The following INSR variants were observed in gnomAD, a reference collection of about 807,000 sequenced individuals.
The protein encoded by INSR is insulin receptor.
INSR carries 67 observed loss-of-function variants against 142.6 expected under a neutral mutation model. The observed-to-expected ratio is 0.47, with a 90% CI of 0.39 to 0.58. The LOEUF (loss-of-function observed/expected upper bound fraction) is 0.58, where lower values mean the gene tolerates loss of function less well. Ranked by LOEUF, INSR falls within the 20% of genes least tolerant of loss-of-function variation. The pLI is 0.00. For synonymous variants in INSR, 756 were observed against 743.1 expected (o/e 1.02, Z -0.28); for missense variants, 1,248 against 1,833.2 (o/e 0.68, Z 5.83).
chr19:7,122,785 A>G lies in INSR; in HGVS notation c.3370-12T>C, dbSNP rs200201955. ...CGGCCAGGATTATTCTAAAACAGAA[A>G]CACGGGGTTGGTGTTTCAGCAGCAC... is the stretch of plus-strand genomic sequence containing the variant. On this transcript the variant is annotated splice_polypyrimidine_tract_variant and intron_variant, in intron 18 of 21. Transcript: ENST00000302850. The G allele has an allele frequency of 6.2e-7, 1 of 1,614,122 alleles. No homozygotes were observed. Among genetic ancestry groups the G allele is most frequent in the South Asian group, 1.1e-5 (1 of 91,086 alleles).
At chr19:7,250,595 A>AG (rs1247804763) in intron 2 of INSR, among the ~76,000 whole-genome samples, 3 of 126,282 alleles carry the variant, frequency 2.4e-5, no homozygotes, top group African/African-American at 8.9e-5. Flanking sequence ...GGAAGGAAGG[A>AG]AGGAGAGGAG....
At chr19:7,153,357 ACCACAC>A (rs1568449981) in intron 9 of INSR, among the ~76,000 whole-genome samples, 26 of 92,934 alleles carry the variant, frequency 2.8e-4, no homozygotes, top group African/African-American at 7.1e-4. Flanking sequence ...CAGACCACAC[ACCACAC>A]ACCCCACACA....
intron 1 of INSR, among the ~76,000 whole-genome samples, chr19:7,292,297 G>T (rs371734968): frequency 4.1e-5 from 6 of 145,152 alleles, no homozygotes; most frequent in Admixed American, 6.9e-5. Flanking sequence ...TCACCATGTT[G>T]GCCAGGATGG....
Position 7,225,449 on chromosome 19 carries a change from T to C in INSR, c.653-40812A>G, listed in dbSNP as rs973306249. On this transcript the variant is annotated intron_variant, in intron 2 of 21. Coordinates refer to ENST00000302850, the MANE Select transcript of INSR (RefSeq NM_000208.4). This position sits in a 1 kb window ranked among gnomAD's most constrained non-coding sequence, Gnocchi z 4.7. ...CACTCTCTGATTCTCCAGTGTACCA[T>C]GTCACCAATTAGGTGTTTCAAGAGG... Among the ~76,000 whole-genome samples the C allele has an allele frequency of 7.0e-6, 1 of 142,124 alleles. No individual in the cohort carries two copies. The highest frequency in any genetic ancestry group is 2.5e-5 in the African/African-American group (1 of 39,492). 93.2% of individuals were successfully genotyped at this position (142,124 alleles called of 152,430 possible).
intron 2 of INSR, among the ~76,000 whole-genome samples, chr19:7,204,183 C>T (rs1338402722): frequency 6.6e-6 from 1 of 151,824 alleles, no homozygotes; most frequent in Non-Finnish European, 1.5e-5. Flanking sequence ...GCTGGGATTA[C>T]AGGTGCCCAG....
At chr19:7,237,203 TC>T (rs1429208539) in intron 2 of INSR, among the ~76,000 whole-genome samples, 2 of 151,152 alleles carry the variant, frequency 1.3e-5, no homozygotes, top group African/African-American at 4.9e-5. Context: ...TACCACCTGT[TC>T]CCCCAAAACC....
chr19:7,151,800 AT>A (rs906600573), intron 10 of INSR, among the ~76,000 whole-genome samples: 11 of 150,174 alleles, frequency 7.3e-5, no homozygotes, highest in African/African-American at 2.4e-4. Context: ...GATACTTTTA[AT>A]TTTTTTTTAG....
chr19:7,193,119 CT>C lies in INSR; in HGVS notation c.653-8483del, dbSNP rs764541723. ...ATTTGATGCAGTATTTCTTTTTTTT[CT>C]TTTTTTTTTTTTCCCCAGATGGAGT... On this transcript the variant is annotated intron_variant, in intron 2 of 21. Transcript: ENST00000302850. Among the ~76,000 whole-genome samples the C allele has an allele frequency of 1.7e-3, 239 of 139,548 alleles. 1 individual carries two copies. The highest frequency in any genetic ancestry group is 3.8e-3 in the Middle Eastern group (1 of 262). 91.5% of individuals were successfully genotyped at this position (139,548 alleles called of 152,430 possible).
At chr19:7,268,179 G>A (rs980505887) in intron 1 of INSR, among the ~76,000 whole-genome samples, 1 of 152,136 alleles carries the variant, frequency 6.6e-6, no homozygotes, top group African/African-American at 2.4e-5. Context: ...GGGACAATGG[G>A]ATTACAGGGG....
At chr19:7,137,244 G>A (rs1308655597) in intron 13 of INSR, among the ~76,000 whole-genome samples, 1 of 146,508 alleles carries the variant, frequency 6.8e-6, no homozygotes, top group Non-Finnish European at 1.5e-5. Flanking sequence ...GTAAGTTACA[G>A]CTCAATAAAG....
intron 2 of INSR, among the ~76,000 whole-genome samples, chr19:7,255,689 C>A (rs1260187528): frequency 2.0e-5 from 3 of 151,798 alleles, no homozygotes; most frequent in Non-Finnish European, 4.4e-5. Context: ...GCGATCCTCC[C>A]ACCTCAGACT....
chr19:7,116,546 A>T lies in INSR; in HGVS notation c.*510T>A, dbSNP rs2144787655. 6.7e-6 allele frequency: 1 copy of T among 149,864 alleles called. No individual in the cohort carries two copies. The highest frequency in any genetic ancestry group is 2.1e-4 in the South Asian group (1 of 4,754). The allele number at this position is 149,864 out of a possible 1,614,324, so 9.3% of individuals were successfully genotyped here. A position where few individuals can be genotyped will look rare whatever the true frequency, so the allele number is the denominator to read the frequency against. On this transcript the variant is annotated 3_prime_UTR_variant, in exon 22 of 22. Transcript: ENST00000302850. ...AAAATCCTTCAGCCTGGATGAGAGA[A>T]AAAAAAAAAACCAAAAAAACCATCT...
rs369578911 is a variant in INSR, at chr19:7,244,839, G to A, written c.652+22506C>T. Among the ~76,000 whole-genome samples the A allele has an allele frequency of 8.6e-5, 13 of 151,824 alleles. No homozygotes were observed. In the East Asian group the frequency reaches 9.6e-4, roughly 11 times the overall value. ...GTAAAATTAAAGGAGTGCTGGCAGC[G>A]AGCTGCACTTTTTTTCCTCTGGGAA... is the stretch of plus-strand genomic sequence containing the variant. On this transcript the variant is annotated intron_variant, in intron 2 of 21. Coordinates refer to ENST00000302850, the MANE Select transcript of INSR (RefSeq NM_000208.4).
chr19:7,165,451 G>A (rs1297843344), intron 8 of INSR, among the ~76,000 whole-genome samples: 1 of 152,010 alleles, frequency 6.6e-6, no homozygotes, highest in Admixed American at 6.6e-5. Flanking sequence ...GTTTTGTTCT[G>A]TGTTGTGAAT....
At chr19:7,154,687 G>A (rs181282624) in intron 9 of INSR, among the ~76,000 whole-genome samples, 2 of 151,516 alleles carry the variant, frequency 1.3e-5, no homozygotes, top group Non-Finnish European at 2.9e-5. Flanking sequence ...ACTTTGGGAG[G>A]CCGAGGCGGG....
intron 1 of INSR, among the ~76,000 whole-genome samples, chr19:7,283,283 T>C (rs900497478): frequency 1.3e-5 from 2 of 152,034 alleles, no homozygotes; most frequent in African/African-American, 4.8e-5. Context: ...GGGCAGGGAT[T>C]CCCCTCCCTG....
chr19:7,241,783 C>G (rs1976353332), intron 2 of INSR, among the ~76,000 whole-genome samples: 1 of 152,060 alleles, frequency 6.6e-6, no homozygotes, highest in African/African-American at 2.4e-5. Context: ...ATGTACAGGG[C>G]AGTCCCCACC....
Position 7,119,224 on chromosome 19 carries a change from G to A in INSR, c.3794+225C>T, listed in dbSNP as rs190817377. 3.2e-4 allele frequency among the ~76,000 whole-genome samples: 49 copies of A among 152,256 alleles called. No individual in the cohort carries two copies. The South Asian group carries it at 6.4e-3, about 20-fold the overall frequency. On this transcript the variant is annotated intron_variant, in intron 21 of 21. Coordinates refer to ENST00000302850, the MANE Select transcript of INSR (RefSeq NM_000208.4). The surrounding 1 kb of genome is among the most constrained non-coding windows in gnomAD (Gnocchi z 5.2). ...AAATATATAATATGCAAACGTAAGC[G>A]TACATGTAGCACATATGGGAACTCA...
intron 14 of INSR, 53 bp downstream of exon 14, chr19:7,132,105 A>G: frequency 2.5e-6 from 4 of 1,610,210 alleles, no homozygotes; most frequent in Non-Finnish European, 3.4e-6. Context: ...ATGTCCCACC[A>G]TGCTCAGTGC....
Sources: allele counts gnomAD v4.1 joint callset (sites outside exome capture counted in the v4.1 genomes callset), GRCh38; gene constraint gnomAD v4.1.1; non-coding constraint Gnocchi (gnomAD v3.1); transcripts MANE v1.5; gene names NCBI Gene and HGNC (gene_info 2026-07-23, HGNC 2026-07-21).